The following CA10 variants were observed in gnomAD, a reference collection of about 807,000 sequenced individuals.
The protein encoded by CA10 is carbonic anhydrase-related protein 10.
Under a neutral mutation model 44.2 loss-of-function variants are expected in CA10, and 14 were observed. That is an observed-to-expected ratio of 0.32 (90% CI 0.21 to 0.50). The LOEUF (loss-of-function observed/expected upper bound fraction) is 0.50. Among genes scored for constraint, CA10 ranks in the 20% least tolerant of loss-of-function variants. CA10 has a pLI of 0.99. For synonymous variants in CA10, 159 were observed against 141.6 expected, an observed-to-expected ratio of 1.12 and a Z score of -0.87; for missense variants, 350 against 409.7, an observed-to-expected ratio of 0.85 and a Z score of 1.26.
intron 3 of CA10, among the ~76,000 whole-genome samples, chr17:51,766,447 C>T (rs539381790): frequency 4.6e-5 from 7 of 152,210 alleles, no homozygotes; most frequent in African/African-American, 1.7e-4. Flanking sequence ...AGTGGACAGG[C>T]AACATAGTAG....
intron 2 of CA10, among the ~76,000 whole-genome samples, chr17:51,970,323 G>T (rs539791929): frequency 8.0e-4 from 121 of 151,754 alleles, no homozygotes; most frequent in African/African-American, 2.9e-3. Flanking sequence ...ATCCAAAAAG[G>T]CATTTCCTTC....
intron 6 of CA10, among the ~76,000 whole-genome samples, chr17:51,636,483 G>T (rs962551961): frequency 9.9e-5 from 15 of 152,196 alleles, no homozygotes; most frequent in African/African-American, 3.6e-4. Flanking sequence ...TGTTGGGGAT[G>T]CGAGGAAGCA....
rs143396122 is a variant in CA10, at chr17:51,914,440, T to G, written c.279+16550A>C. ...AACGTGTAAAAAAATTAACTACCCATTCAGAAATGAAATTCACTATGTGAT... is the reference window on the plus strand; with the variant it reads ...AACGTGTAAAAAAATTAACTACCCAGTCAGAAATGAAATTCACTATGTGAT... On this transcript the variant is annotated intron_variant, in intron 3 of 8. Transcript: ENST00000451037. Among the ~76,000 whole-genome samples, 365 of 152,218 alleles carry G rather than the reference T, an allele frequency of 2.4e-3. 1 individual carries two copies. The highest frequency in any genetic ancestry group is 8.6e-3 in the African/African-American group (357 of 41,526).
intron 2 of CA10, among the ~76,000 whole-genome samples, chr17:51,983,560 T>TA (rs1391675952): frequency 6.6e-6 from 1 of 151,602 alleles, no homozygotes; most frequent in Non-Finnish European, 1.5e-5. Context: ...TACAAAAAAA[T>TA]AAAAAAGGTG....
chr17:51,878,658 A>G (rs1228240019), intron 3 of CA10, among the ~76,000 whole-genome samples: 1 of 151,540 alleles, frequency 6.6e-6, no homozygotes, highest in Non-Finnish European at 1.5e-5. Context: ...TGATCCAGGT[A>G]TTCATTTTAA....
intron 3 of CA10, among the ~76,000 whole-genome samples, chr17:51,826,353 C>T (rs970674428): frequency 1.3e-5 from 2 of 152,192 alleles, no homozygotes; most frequent in Admixed American, 6.5e-5. Context: ...CAGGTTCCAA[C>T]GTGACCTTTC....
At chr17:51,892,254 T>C (rs186118939) in intron 3 of CA10, among the ~76,000 whole-genome samples, 2 of 152,204 alleles carry the variant, frequency 1.3e-5, no homozygotes, top group Admixed American at 6.6e-5. Context: ...CCAGCCTTTT[T>C]CCACCTATCT....
Position 51,758,665 on chromosome 17 carries a change from G to C in CA10, c.280-10847C>G, listed in dbSNP as rs116978269. Among the ~76,000 whole-genome samples, 12 of 152,324 alleles carry C rather than the reference G, an allele frequency of 7.9e-5. No homozygotes were observed. The East Asian group carries it at 2.3e-3, about 29-fold the overall frequency. On this transcript the variant is annotated intron_variant, in intron 3 of 8. Transcript: ENST00000451037. The stretch of plus-strand genomic sequence containing the variant: ...TGGTATGTAGGTTTCCGGGGGGTGA[G>C]TCCCATGTATTTCTTTCCTACTGAA...
intron 3 of CA10, among the ~76,000 whole-genome samples, chr17:51,849,231 GTGTATATATATATATATA>G (rs1978668122): frequency 1.3e-4 from 7 of 55,898 alleles, no homozygotes; most frequent in Admixed American, 9.0e-4. Context: ...ATATATGTGT[GTGTATATATATATATATA>G]TATATATATA....
chr17:51,956,232 G>A (rs1001613460), intron 2 of CA10, among the ~76,000 whole-genome samples: 2 of 151,912 alleles, frequency 1.3e-5, no homozygotes, highest in Non-Finnish European at 2.9e-5. Flanking sequence ...TGATTCTAAG[G>A]AGACTTGATT....
intron 3 of CA10, among the ~76,000 whole-genome samples, chr17:51,834,691 T>G (rs180877753): frequency 2.6e-5 from 4 of 152,194 alleles, no homozygotes; most frequent in Non-Finnish European, 5.9e-5. Context: ...AAATGTGACT[T>G]TGAACCCATA....
At chr17:52,121,650 A>T (rs151099368) in intron 1 of CA10, among the ~76,000 whole-genome samples, 9 of 136,176 alleles carry the variant, frequency 6.6e-5, no homozygotes, top group Non-Finnish European at 9.2e-5. Flanking sequence ...GGGAATCTCT[A>T]TCTATCTCTA....
chr17:51,978,792 T>C (rs1049343308), intron 2 of CA10, among the ~76,000 whole-genome samples: 2 of 152,082 alleles, frequency 1.3e-5, no homozygotes, highest in African/African-American at 4.8e-5. Flanking sequence ...CCCCACTTGT[T>C]TTGAACTTTT....
intron 4 of CA10, among the ~76,000 whole-genome samples, chr17:51,718,093 A>G (rs1269370130): frequency 2.6e-5 from 4 of 151,008 alleles, no homozygotes; most frequent in African/African-American, 9.8e-5. Context: ...ACGAGGGACA[A>G]AAGACATACA....
intron 4 of CA10, among the ~76,000 whole-genome samples, chr17:51,691,297 CTG>C (rs1227231346): frequency 6.6e-6 from 1 of 152,146 alleles, no homozygotes; most frequent in African/African-American, 2.4e-5. Context: ...TAATATCTCA[CTG>C]TGATTTTCAT....
At chr17:51,814,110 G>T (rs1598058334) in intron 3 of CA10, among the ~76,000 whole-genome samples, 1 of 152,248 alleles carries the variant, frequency 6.6e-6, no homozygotes, top group East Asian at 1.9e-4. Flanking sequence ...ATGATCTTCG[G>T]CAAGACCTTA....
intron 2 of CA10, among the ~76,000 whole-genome samples, chr17:52,067,618 C>G (rs780271708): frequency 1.3e-5 from 2 of 152,218 alleles, no homozygotes; most frequent in African/African-American, 2.4e-5. Flanking sequence ...TTGCAACATG[C>G]ACCTGGCAAA....
chr17:51,852,276 G>A (rs1177192011), intron 3 of CA10, among the ~76,000 whole-genome samples: 2 of 152,208 alleles, frequency 1.3e-5, no homozygotes, highest in African/African-American at 2.4e-5. Context: ...CAGCTGCACC[G>A]AGTCAGAGGC....
chr17:52,013,536 T>C (rs114288154), intron 2 of CA10, among the ~76,000 whole-genome samples: 2,145 of 152,050 alleles, frequency 0.014, 47 homozygotes, highest in African/African-American at 0.049. Context: ...AGAAGCCACA[T>C]AGAATTCAAC....
Sources: allele counts gnomAD v4.1 joint callset (sites outside exome capture counted in the v4.1 genomes callset), GRCh38; gene constraint gnomAD v4.1.1; transcripts MANE v1.5; gene names NCBI Gene and HGNC (gene_info 2026-07-23, HGNC 2026-07-21).